Variants in AGMO observed in about 807,000 individuals in gnomAD.
AGMO encodes glyceryl-ether monooxygenase.
A neutral mutation model predicts 60.2 loss-of-function variants in AGMO; 75 were observed. That is an observed-to-expected ratio of 1.25 (90% confidence interval 1.03 to 1.51). AGMO has a LOEUF of 1.51. Ranked by LOEUF, AGMO falls within the 40% of genes most tolerant of loss-of-function variation. The probability of loss-of-function intolerance (pLI) is 0.00; values close to 1 mark genes in which losing one functional copy is unlikely to be tolerated. For synonymous variants in AGMO, 261 were observed against 177.1 expected (o/e 1.47, Z -3.76); for missense variants, 763 against 525.5 (o/e 1.45, Z -4.42).
At chr7:15,291,263 A>G (rs976312097) in intron 12 of AGMO, among the ~76,000 whole-genome samples, 1 of 152,218 alleles carries the variant, frequency 6.6e-6, no homozygotes, top group Non-Finnish European at 1.5e-5. Context: ...TCACACATAC[A>G]TAACTATAGA....
At chr7:15,452,794 C>T (rs1781889422) in intron 3 of AGMO, among the ~76,000 whole-genome samples, 1 of 152,140 alleles carries the variant, frequency 6.6e-6, no homozygotes, top group East Asian at 1.9e-4. Context: ...CACTTCACAG[C>T]ATTATTTAGA....
At chr7:15,330,271 C>G (rs150837571) in intron 12 of AGMO, among the ~76,000 whole-genome samples, 2 of 152,046 alleles carry the variant, frequency 1.3e-5, no homozygotes, top group African/African-American at 4.8e-5. Flanking sequence ...TAATTGTACA[C>G]CCCTTCCTTG....
chr7:15,310,708 C>T lies in AGMO; in HGVS notation c.1263+54806G>A, dbSNP rs544248917. Among the ~76,000 whole-genome samples, 4 of 152,100 alleles carry T rather than the reference C, an allele frequency of 2.6e-5. No individual in the cohort carries two copies. In the East Asian group the frequency reaches 7.7e-4, roughly 29 times the overall value. ...ATCCTATTGCTGCTGTTTCAAATAG[C>T]CACAAACTTAATGGCTTAAAAACAA... is the stretch of plus-strand genomic sequence containing the variant. On this transcript the variant is annotated intron_variant, in intron 12 of 12. Coordinates refer to ENST00000342526, the MANE Select transcript of AGMO (RefSeq NM_001004320.2).
intron 12 of AGMO, among the ~76,000 whole-genome samples, chr7:15,244,155 A>C (rs1485447654): frequency 6.7e-6 from 1 of 149,030 alleles, no homozygotes; most frequent in Admixed American, 7.0e-5. Flanking sequence ...ATAAAAATGC[A>C]TATATATAAT....
At chr7:15,325,862 A>C (rs1203084933) in intron 12 of AGMO, among the ~76,000 whole-genome samples, 1 of 152,094 alleles carries the variant, frequency 6.6e-6, no homozygotes, top group Admixed American at 6.6e-5. Flanking sequence ...TGACATCTTG[A>C]CTTGGTTGTT....
At chr7:15,388,371 A>G (rs1784008297) in intron 8 of AGMO, among the ~76,000 whole-genome samples, 1 of 152,096 alleles carries the variant, frequency 6.6e-6, no homozygotes, top group African/African-American at 2.4e-5. Flanking sequence ...GGTTAATGGA[A>G]TAGATCTGAG....
chr7:15,141,249 T>C, the AGMO span, among the ~76,000 whole-genome samples: 1 of 152,086 alleles, frequency 6.6e-6, no homozygotes, highest in Non-Finnish European at 1.5e-5. Flanking sequence ...GGTTTTGTCT[T>C]CTTGGAGACT....
At chr7:15,233,703 T>C (rs1287075592) in intron 12 of AGMO, among the ~76,000 whole-genome samples, 1 of 152,152 alleles carries the variant, frequency 6.6e-6, no homozygotes, top group Non-Finnish European at 1.5e-5. Flanking sequence ...TGCTGCAGTA[T>C]GTAGTTGGGC....
chr7:15,531,855 G>A (rs1002457393), intron 3 of AGMO, among the ~76,000 whole-genome samples: 1 of 151,320 alleles, frequency 6.6e-6, no homozygotes, highest in Non-Finnish European at 1.5e-5. Flanking sequence ...TTTTAGTAGA[G>A]ACAGGGTTTC....
At chr7:15,303,686 G>T (rs967195209) in intron 12 of AGMO, among the ~76,000 whole-genome samples, 2 of 152,082 alleles carry the variant, frequency 1.3e-5, no homozygotes, top group Non-Finnish European at 2.9e-5. Context: ...GTGCTAAAAA[G>T]CAGAAGAAGG....
intron 3 of AGMO, among the ~76,000 whole-genome samples, chr7:15,477,837 A>G (rs992870011): frequency 9.9e-5 from 15 of 152,270 alleles, no homozygotes; most frequent in African/African-American, 3.4e-4. Context: ...GAATTAAGTC[A>G]ATTTTCTAAA....
the AGMO span, among the ~76,000 whole-genome samples, chr7:15,121,329 A>G: frequency 1.3e-5 from 2 of 152,184 alleles, no homozygotes; most frequent in African/African-American, 2.4e-5. Flanking sequence ...TCCTTTGGGT[A>G]TATACCCAGT....
intron 3 of AGMO, among the ~76,000 whole-genome samples, chr7:15,454,167 GA>G (rs1387481228): frequency 6.6e-6 from 1 of 151,622 alleles, no homozygotes; most frequent in Non-Finnish European, 1.5e-5. Flanking sequence ...GCTCATTGTA[GA>G]AAATTTGAAA....
intron 3 of AGMO, among the ~76,000 whole-genome samples, chr7:15,466,152 G>A (rs1482965395): frequency 6.6e-6 from 1 of 152,152 alleles, no homozygotes; most frequent in Non-Finnish European, 1.5e-5. Context: ...GATGATAACA[G>A]TGATGGCAGT....
At chr7:15,479,130 A>G (rs1782679379) in intron 3 of AGMO, among the ~76,000 whole-genome samples, 1 of 152,196 alleles carries the variant, frequency 6.6e-6, no homozygotes, top group Non-Finnish European at 1.5e-5. Context: ...ATTGTTTTAC[A>G]TAGAAGTTTC....
chr7:15,539,933 A>G lies in AGMO; in HGVS notation c.409+4839T>C, dbSNP rs576032046. 4.6e-5 allele frequency among the ~76,000 whole-genome samples: 7 copies of G among 152,230 alleles called. No individual in the cohort carries two copies. The South Asian group carries it at 1.0e-3, about 23-fold the overall frequency. ...TATGAAAACCCTAATTTGTTATTCTATGTAATATATGAGGAGGCTGCCTGT... is the reference window on the plus strand; with the variant it reads ...TATGAAAACCCTAATTTGTTATTCTGTGTAATATATGAGGAGGCTGCCTGT... On this transcript the variant is annotated intron_variant, in intron 3 of 12. Transcript: ENST00000342526.
chr7:15,161,129 G>A, the AGMO span, among the ~76,000 whole-genome samples: 1 of 152,090 alleles, frequency 6.6e-6, no homozygotes, highest in African/African-American at 2.4e-5. Flanking sequence ...CTCTCATTAG[G>A]CCACACATCC....
intron 3 of AGMO, among the ~76,000 whole-genome samples, chr7:15,505,620 T>C (rs1783493940): frequency 6.6e-6 from 1 of 151,992 alleles, no homozygotes; most frequent in East Asian, 1.9e-4. Flanking sequence ...AAGTCTTGAG[T>C]TTTTGTTCTT....
At chr7:15,313,284 C>A (rs1213797448) in intron 12 of AGMO, among the ~76,000 whole-genome samples, 1 of 152,142 alleles carries the variant, frequency 6.6e-6, no homozygotes, top group Non-Finnish European at 1.5e-5. Flanking sequence ...ATTCCACACA[C>A]GATGCTAAAC....
Sources: gnomAD v4.1 joint callset for allele counts (sites outside exome capture counted in the v4.1 genomes callset) on GRCh38, gnomAD v4.1.1 for gene constraint, MANE v1.5 for transcripts, NCBI Gene and HGNC (gene_info 2026-07-23, HGNC 2026-07-21) for gene names.